The following ESRP1 variants were observed in gnomAD, a reference collection of about 807,000 sequenced individuals.
ESRP1 encodes the protein epithelial splicing regulatory protein 1, also known as RNA-binding motif protein 35A.
ESRP1 carries 33 observed loss-of-function variants against 81.7 expected under a neutral mutation model. That is an observed-to-expected ratio of 0.40 (90% CI 0.31 to 0.54). ESRP1 has a LOEUF of 0.54. ESRP1 is among the 20% of genes least tolerant of loss of function. The pLI, the probability that ESRP1 is intolerant of heterozygous loss-of-function variation, is 0.41. For synonymous variants in ESRP1, 320 were observed against 303.3 expected, an observed-to-expected ratio of 1.06 and a Z score of -0.57; for missense variants, 672 against 833.1, an observed-to-expected ratio of 0.81 and a Z score of 2.38.
chr8:94,675,199 C>T (rs1279680428), intron 12 of ESRP1, among the ~76,000 whole-genome samples: 1 of 152,178 alleles, frequency 6.6e-6, no homozygotes, highest in Non-Finnish European at 1.5e-5. Flanking sequence ...GAATAAGGAA[C>T]ATATGGGGAT....
intron 11 of ESRP1, among the ~76,000 whole-genome samples, chr8:94,672,114 A>G (rs527908345): frequency 6.8e-4 from 104 of 152,218 alleles, no homozygotes; most frequent in Admixed American, 2.2e-3. Flanking sequence ...GTAGTGTTAC[A>G]GCAATCATGG....
At position 94,674,081 on chromosome 8, in the gene ESRP1, T is replaced by C. The variant is rs112706919; in HGVS notation, c.1453-227T>C. 5.3e-3 allele frequency among the ~76,000 whole-genome samples: 807 copies of C among 152,296 alleles called. 6 individuals are homozygous for C. The highest frequency in any genetic ancestry group is 7.4e-3 in the Non-Finnish European group (502 of 68,030). On this transcript the variant is annotated intron_variant, in intron 11 of 15. Transcript: ENST00000433389. ...ATTAACAGAAGTGAAAAAGGCTCAT[T>C]TTCAGCTATGAGCTCTCAAAACTGT...
rs960269958 is a variant in ESRP1 at position 94,676,879 on chromosome 8, G to A, written c.1652-1324G>A. Among the ~76,000 whole-genome samples, 5 of 151,840 alleles carry A rather than the reference G, an allele frequency of 3.3e-5. No individual in the cohort carries two copies. In the East Asian group the frequency reaches 5.9e-4, roughly 18 times the overall value. The stretch of plus-strand genomic sequence containing the variant: ...TTTGAAATCAGAATATGAACCGGGC[G>A]CGGTGGCTTACGCCTGTAATCCCAG... On this transcript the variant is annotated intron_variant, in intron 12 of 15. Coordinates refer to ENST00000433389, the MANE Select transcript of ESRP1 (RefSeq NM_017697.4).
chr8:94,679,472 G>C (rs80149953), intron 13 of ESRP1, among the ~76,000 whole-genome samples: 2 of 152,298 alleles, frequency 1.3e-5, no homozygotes, highest in East Asian at 3.9e-4. Flanking sequence ...ATGTCTGCCA[G>C]TGTTCTTGTT....
chr8:94,701,502 G>T (rs1809837885), intron 15 of ESRP1, among the ~76,000 whole-genome samples: 1 of 152,174 alleles, frequency 6.6e-6, no homozygotes, highest in African/African-American at 2.4e-5. Flanking sequence ...GAAGGAGATT[G>T]GGTGTCGGGC....
intron 13 of ESRP1, among the ~76,000 whole-genome samples, chr8:94,684,890 A>T (rs182276637): frequency 6.6e-6 from 1 of 151,898 alleles, no homozygotes; most frequent in African/African-American, 2.4e-5. Context: ...TTAAGTTGGG[A>T]TGGTGGCACC....
At chr8:94,643,683 A>T (rs1450223239) in intron 3 of ESRP1, among the ~76,000 whole-genome samples, 11 of 152,238 alleles carry the variant, frequency 7.2e-5, no homozygotes, top group African/African-American at 2.7e-4. Context: ...TGTTATGTAT[A>T]TACAAAGATA....
chr8:94,692,627 A>G (rs777192456), intron 13 of ESRP1, 50 bp from the exon 14 acceptor site: 1 of 1,568,356 alleles, frequency 6.4e-7, no homozygotes, highest in East Asian at 2.3e-5. Context: ...TATAGTAAGT[A>G]TTCAACATTG....
chr8:94,659,039 T>C (rs1230567413), intron 4 of ESRP1, among the ~76,000 whole-genome samples: 1 of 152,126 alleles, frequency 6.6e-6, no homozygotes, highest in Non-Finnish European at 1.5e-5. Context: ...CCTGAGTAGA[T>C]GCAATGACAG....
rs749169909 is a variant in ESRP1 at position 94,674,408 on chromosome 8, T to C, written c.1553T>C (p.Val518Ala). The C allele has an allele frequency of 1.9e-6, 3 of 1,614,008 alleles. No homozygotes were observed. Among genetic ancestry groups the C allele is most frequent in the Non-Finnish European group, 1.7e-6 (2 of 1,179,878 alleles). ...AAAAAAAACATGAAGGACAGATATGTTGAAGTCTTTCAGTGTTCAGCTGAG... is the reference window on the plus strand; with the variant it reads ...AAAAAAAACATGAAGGACAGATATGCTGAAGTCTTTCAGTGTTCAGCTGAG... Reference protein sequence around the residue: ...CHKKNMKDRYVEVFQCSAEEM... With the variant: ...CHKKNMKDRYAEVFQCSAEEM... Residue 518 changes from valine to alanine, a missense_variant, in exon 12 of 16, where the codon GTT (valine) becomes GCT (alanine). By Grantham distance (64) the Val-to-Ala change is moderately conservative. Transcript: ENST00000433389.
chr8:94,690,129 G>GT (rs1280987703), intron 13 of ESRP1, among the ~76,000 whole-genome samples: 8 of 139,926 alleles, frequency 5.7e-5, no homozygotes, highest in African/African-American at 7.6e-5. Flanking sequence ...AATTTTTTTT[G>GT]TTTTTTTGTT....
rs1238990516 is a variant in ESRP1, at chr8:94,702,071, TAATG to T, written c.*36-3847_*36-3844del. 3.9e-5 allele frequency among the ~76,000 whole-genome samples: 6 copies of T among 152,332 alleles called. No individual in the cohort carries two copies. In the East Asian group the frequency reaches 1.2e-3, roughly 29 times the overall value. On this transcript the variant is annotated intron_variant, in intron 15 of 15. Coordinates refer to ENST00000433389, the MANE Select transcript of ESRP1 (RefSeq NM_017697.4). ...CCAGCCTGGACGACAGAGCGAGAGT[TAATG>T]AATGAAAACAAGTTTTACAAACTAA...
Position 94,665,152 on chromosome 8 carries a change from A to T in ESRP1, c.889-2A>T, listed in dbSNP as rs369762316. On this transcript the variant is annotated splice_acceptor_variant, in intron 8 of 15. Coordinates refer to ENST00000433389, the MANE Select transcript of ESRP1 (RefSeq NM_017697.4). LOFTEE classifies it high-confidence loss of function. ...AACACTAACTTCTCTGTCTTTTCTCAGGTTTACAAAGCAACAGGTGAAGAT... is the reference window on the plus strand; with the variant it reads ...AACACTAACTTCTCTGTCTTTTCTCTGGTTTACAAAGCAACAGGTGAAGAT... 1 of 1,613,496 alleles carries T rather than the reference A, an allele frequency of 6.2e-7. No individual in the cohort carries two copies. The highest frequency in any genetic ancestry group is 1.3e-5 in the African/African-American group (1 of 74,946).
intron 13 of ESRP1, among the ~76,000 whole-genome samples, chr8:94,692,185 C>T (rs536388854): frequency 2.2e-4 from 33 of 152,294 alleles, no homozygotes; most frequent in Admixed American, 2.1e-3. Context: ...CTTTGATTTG[C>T]TGTAGTACTG....
At chr8:94,699,501 C>T (rs1413582897) in intron 15 of ESRP1, among the ~76,000 whole-genome samples, 2 of 151,888 alleles carry the variant, frequency 1.3e-5, no homozygotes, top group Non-Finnish European at 2.9e-5. Flanking sequence ...AGAAAATTAC[C>T]TAGGTGTGGT....
In ESRP1 at chr8:94,641,415, C is replaced by T. The variant is rs746880350; in HGVS notation, c.97C>T (p.Leu33=). 1.2e-6 allele frequency: 2 copies of T among 1,613,888 alleles called. No homozygotes were observed. Among genetic ancestry groups the T allele is most frequent in the Non-Finnish European group, 1.7e-6 (2 of 1,179,880 alleles). ...CTCGGATGAGAAGGAGTTGATCCTG[C>T]TGTTCTGGAAAGTCGTGGATCTGGC... ...LGSDEKELIL[L]FWKVVDLANK... is the part of the protein sequence containing the mutation. The change falls in exon 1 of 16, where the codon CTG becomes TTG. Residue 33 remains leucine, a synonymous_variant. Transcript: ENST00000433389.
intron 13 of ESRP1, among the ~76,000 whole-genome samples, chr8:94,684,024 T>G (rs1470740844): frequency 6.6e-6 from 1 of 152,168 alleles, no homozygotes; most frequent in African/African-American, 2.4e-5. Context: ...ATTTTGTATT[T>G]TTGGTAGAGA....
At chr8:94,674,193 G>T in intron 11 of ESRP1, 115 bp from the exon 12 acceptor site, 1 of 1,165,928 alleles carries the variant, frequency 8.6e-7, no homozygotes, top group Non-Finnish European at 1.2e-6. Context: ...CCCGGATTTT[G>T]TGGCTAAAAT....
chr8:94,669,640 C>T (rs567930361), intron 10 of ESRP1, among the ~76,000 whole-genome samples: 106 of 151,874 alleles, frequency 7.0e-4, no homozygotes, highest in Middle Eastern at 3.2e-3. Flanking sequence ...CCAAGGCGAG[C>T]GGATTGCCTG....
Sources: gnomAD v4.1 joint callset for allele counts (sites outside exome capture counted in the v4.1 genomes callset) on GRCh38, gnomAD v4.1.1 for gene constraint, MANE v1.5 for transcripts, NCBI Gene and HGNC (gene_info 2026-07-23, HGNC 2026-07-21) for gene names.